DLEU7: variants seen among roughly 807,000 people sequenced by gnomAD.
The protein encoded by DLEU7 is deleted in lymphocytic leukemia 7, also known as leukemia-associated protein 7.
In DLEU7, 17 loss-of-function variants were observed where a neutral mutation model predicts 16.0. That is an observed-to-expected ratio of 1.06 (90% CI 0.73 to 1.59). DLEU7 has a LOEUF of 1.59. Among genes scored for constraint, DLEU7 ranks in the 40% most tolerant of loss-of-function variants. DLEU7 has a pLI of 0.00. For missense variants in DLEU7, 308 were observed against 314.9 expected, an observed-to-expected ratio of 0.98 and a Z score of 0.17; for synonymous variants, 113 against 139.8, an observed-to-expected ratio of 0.81 and a Z score of 1.35.
intron 1 of DLEU7, among the ~76,000 whole-genome samples, chr13:50,796,021 C>T (rs889481083): frequency 6.6e-6 from 1 of 152,094 alleles, no homozygotes; most frequent in African/African-American, 2.4e-5. Flanking sequence ...TTTACCATTG[C>T]TCACCAGTAC....
At chr13:50,833,988 T>C (rs1294118177) in intron 1 of DLEU7, among the ~76,000 whole-genome samples, 2 of 152,158 alleles carry the variant, frequency 1.3e-5, no homozygotes, top group African/African-American at 2.4e-5. Context: ...ACTAGCCATA[T>C]GCCAAAAACT....
chr13:50,800,942 T>C (rs149925514), intron 1 of DLEU7, among the ~76,000 whole-genome samples: 4 of 152,216 alleles, frequency 2.6e-5, no homozygotes, highest in Middle Eastern at 3.4e-3. Context: ...GTGGACAGTA[T>C]CTAGAGATTA....
At chr13:50,762,243 T>C (rs1214429181) in intron 1 of DLEU7, among the ~76,000 whole-genome samples, 7 of 151,608 alleles carry the variant, frequency 4.6e-5, no homozygotes, top group Admixed American at 1.3e-4. Flanking sequence ...CAGTTTTGAT[T>C]CTCTAAAAGA....
intron 1 of DLEU7, among the ~76,000 whole-genome samples, chr13:50,716,529 C>T (rs1051016423): frequency 2.6e-5 from 4 of 152,164 alleles, no homozygotes; most frequent in Non-Finnish European, 4.4e-5. Flanking sequence ...CGTGATGTCA[C>T]GGAAAGAGCA....
Position 50,843,433 on chromosome 13 carries a change from C to A in DLEU7, c.214G>T (p.Val72Leu). The A allele has an allele frequency of 3.1e-6, 4 of 1,306,776 alleles. No homozygotes were observed. Among genetic ancestry groups the A allele is most frequent in the Non-Finnish European group, 3.9e-6 (4 of 1,033,948 alleles). 80.9% of individuals were successfully genotyped at this position (1,306,776 alleles called of 1,614,324 possible). Reference sequence around the variant, plus strand: ...GCGGTCCGCCGACTCCTGGTCCCCACGCCCCCGCCCCGCTCCTCGCGCCCG... The same window carrying A: ...GCGGTCCGCCGACTCCTGGTCCCCAAGCCCCCGCCCCGCTCCTCGCGCCCG... The part of the protein sequence containing the change: ...GPGREERGGG[V>L]GTRSRRTAAR... The change falls in exon 1 of 2, where the codon GTG becomes TTG. Residue 72 changes from valine to leucine, a missense_variant. Coordinates refer to ENST00000504404, the MANE Select transcript of DLEU7 (RefSeq NM_001306135.2). This position sits in a 1 kb window ranked among gnomAD's most constrained non-coding sequence, Gnocchi z 5.7.
intron 1 of DLEU7, among the ~76,000 whole-genome samples, chr13:50,721,984 T>A (rs1474719869): frequency 6.6e-6 from 1 of 152,192 alleles, no homozygotes; most frequent in East Asian, 1.9e-4. Flanking sequence ...ACAACCCTTT[T>A]GAAGAGCTTT....
At chr13:50,739,794 C>T (rs1473313067) in intron 1 of DLEU7, among the ~76,000 whole-genome samples, 2 of 152,166 alleles carry the variant, frequency 1.3e-5, no homozygotes, top group East Asian at 3.9e-4. Flanking sequence ...TGAGAATTCT[C>T]ACTTTCTTAT....
chr13:50,843,454 GC>G lies in DLEU7; in HGVS notation c.192del (p.Arg65AlafsTer26). 7.6e-7 allele frequency: 1 copy of G among 1,318,898 alleles called. No individual in the cohort carries two copies. Among genetic ancestry groups the G allele is most frequent in the Non-Finnish European group, 9.6e-7 (1 of 1,041,548 alleles). The allele number at this position is 1,318,898 out of a possible 1,614,324, so 81.7% of individuals were successfully genotyped here. A position where few individuals can be genotyped will look rare whatever the true frequency, so the allele number is the denominator to read the frequency against. On this transcript the variant is annotated frameshift_variant, in exon 1 of 2. Coordinates refer to ENST00000504404, the MANE Select transcript of DLEU7 (RefSeq NM_001306135.2). LOFTEE classifies it high-confidence loss of function. This position sits in a 1 kb window ranked among gnomAD's most constrained non-coding sequence, Gnocchi z 5.7. ...SGPPRARPGP[G>X]REERGGGVGT... ...CCCACGCCCCCGCCCCGCTCCTCGCGCCCGGGCCCCGGCCGGGCCCGCGGCG... is the reference window on the plus strand; with the variant it reads ...CCCACGCCCCCGCCCCGCTCCTCGCGCCGGGCCCCGGCCGGGCCCGCGGCG...
chr13:50,819,399 T>C (rs543399011), downstream of DLEU7, among the ~76,000 whole-genome samples: 3 of 152,262 alleles, frequency 2.0e-5, no homozygotes, highest in Admixed American at 1.3e-4. Flanking sequence ...AGGGAAGCTA[T>C]TGGTAGAGCA....
chr13:50,824,965 G>T (rs1242248740), intron 1 of DLEU7, among the ~76,000 whole-genome samples: 9 of 152,126 alleles, frequency 5.9e-5, no homozygotes, highest in Admixed American at 5.9e-4. Flanking sequence ...TAAATCAGCA[G>T]TCTCCAACAT....
intron 1 of DLEU7, among the ~76,000 whole-genome samples, chr13:50,803,210 A>G (rs745754050): frequency 6.6e-6 from 1 of 152,164 alleles, no homozygotes; most frequent in Non-Finnish European, 1.5e-5. Flanking sequence ...GATTGTACGA[A>G]TTTATACTTT....
At chr13:50,793,054 G>A (rs1876010666) in intron 1 of DLEU7, among the ~76,000 whole-genome samples, 1 of 151,974 alleles carries the variant, frequency 6.6e-6, no homozygotes, top group African/African-American at 2.4e-5. Flanking sequence ...GTAGTTCCCA[G>A]TATCTATTGT....
At chr13:50,829,011 G>A (rs1480483734) in intron 1 of DLEU7, among the ~76,000 whole-genome samples, 1 of 152,106 alleles carries the variant, frequency 6.6e-6, no homozygotes, top group Non-Finnish European at 1.5e-5. Flanking sequence ...GGCTCAAGAT[G>A]GCATTGAATG....
At chr13:50,785,874 T>A (rs1875782679) in intron 1 of DLEU7, among the ~76,000 whole-genome samples, 1 of 152,208 alleles carries the variant, frequency 6.6e-6, no homozygotes, top group Non-Finnish European at 1.5e-5. Context: ...CCAGGCCCTT[T>A]ATTCTATACT....
intron 1 of DLEU7, among the ~76,000 whole-genome samples, chr13:50,839,115 A>G (rs528394134): frequency 9.2e-5 from 14 of 152,250 alleles, no homozygotes; most frequent in Admixed American, 7.9e-4. Flanking sequence ...ATGTACAACT[A>G]CGGCCCCTAA....
intron 1 of DLEU7, among the ~76,000 whole-genome samples, chr13:50,763,290 A>C (rs934509367): frequency 6.6e-6 from 1 of 152,182 alleles, no homozygotes; most frequent in Non-Finnish European, 1.5e-5. Flanking sequence ...ACAAATGTTA[A>C]GCAGAGAACT....
At chr13:50,775,637 T>G (rs1177184809) in intron 1 of DLEU7, among the ~76,000 whole-genome samples, 2 of 152,208 alleles carry the variant, frequency 1.3e-5, no homozygotes, top group African/African-American at 4.8e-5. Flanking sequence ...AGACTACCAC[T>G]TTCTGCTTCA....
intron 1 of DLEU7, among the ~76,000 whole-genome samples, chr13:50,793,427 A>G (rs1876023792): frequency 6.6e-6 from 1 of 152,212 alleles, no homozygotes; most frequent in South Asian, 2.1e-4. Flanking sequence ...AGAAATCTCC[A>G]AACTGCTCTC....
At chr13:50,712,371 T>C (rs188245994) in exon 2 of DLEU7, 2 of 152,342 alleles carry the variant, frequency 1.3e-5, no homozygotes, top group Admixed American at 1.3e-4. Context: ...TGAATCAACA[T>C]TCTATCAAGA....
Sources: gnomAD v4.1 joint callset for allele counts (sites outside exome capture counted in the v4.1 genomes callset) on GRCh38, gnomAD v4.1.1 for gene constraint, Gnocchi (gnomAD v3.1) non-coding constraint, MANE v1.5 for transcripts, NCBI Gene and HGNC (gene_info 2026-07-23, HGNC 2026-07-21) for gene names.